Variants in NPAT observed in about 807,000 individuals in gnomAD.
NPAT encodes nuclear protein, coactivator of histone transcription.
Under a neutral mutation model 130.7 loss-of-function variants are expected in NPAT, and 52 were observed. That is an observed-to-expected ratio of 0.40 (90% CI 0.32 to 0.50). The LOEUF (loss-of-function observed/expected upper bound fraction) is 0.50, where lower values mean the gene tolerates loss of function less well. Among genes scored for constraint, NPAT ranks in the 20% least tolerant of loss-of-function variants. NPAT has a pLI of 0.68. For missense variants in NPAT, 1,687 were observed against 1,662.6 expected (o/e 1.01, Z -0.26); for synonymous variants, 580 against 584.8 (o/e 0.99, Z 0.12).
At chr11:108,212,647 CAAA>C (rs1037957436) in intron 1 of NPAT, among the ~76,000 whole-genome samples, 2 of 150,962 alleles carry the variant, frequency 1.3e-5, no homozygotes, top group Non-Finnish European at 3.0e-5. Context: ...ACAACAACAA[CAAA>C]AAAACTATTA....
At chr11:108,209,542 A>T in intron 1 of NPAT, among the ~76,000 whole-genome samples, 1 of 152,196 alleles carries the variant, frequency 6.6e-6, no homozygotes, top group Admixed American at 6.5e-5. Flanking sequence ...ACAGACTGAG[A>T]TCTTGTCTCA....
chr11:108,168,525 T>C (rs919973294), intron 15 of NPAT, among the ~76,000 whole-genome samples: 3 of 152,198 alleles, frequency 2.0e-5, no homozygotes, highest in African/African-American at 2.4e-5. Flanking sequence ...TAGCAGTTAG[T>C]TGAGTTCTCT....
intron 12 of NPAT, among the ~76,000 whole-genome samples, chr11:108,174,564 TAA>T (rs561166671): frequency 5.8e-4 from 60 of 103,944 alleles, no homozygotes; most frequent in African/African-American, 1.6e-3. Flanking sequence ...GAGAAGATCT[TAA>T]AAAAAAAAAA....
chr11:108,172,959 A>G lies in NPAT; in HGVS notation c.2025T>C (p.Ser675=). The G allele has an allele frequency of 6.2e-7, 1 of 1,614,120 alleles. No individual in the cohort carries two copies. The highest frequency in any genetic ancestry group is 8.5e-7 in the Non-Finnish European group (1 of 1,180,018). Residue 675 remains serine, a synonymous_variant, in exon 13 of 18, where the codon TCT becomes TCC. Transcript: ENST00000278612. ...SVKEENTIFL[S]LGGNANCEKV... ...TCTCACAGTTAGCATTTCCACCTAA[A>G]GAGAGAAAAATAGTATTCTCTTCTT...
At chr11:108,200,686 A>T (rs1315968279) in intron 1 of NPAT, among the ~76,000 whole-genome samples, 2 of 152,124 alleles carry the variant, frequency 1.3e-5, no homozygotes, top group Non-Finnish European at 2.9e-5. Context: ...GCTTCCTTAA[A>T]CCCTGCAACA....
At chr11:108,173,944 T>G in intron 12 of NPAT, 93 bp from the exon 13 acceptor site, 1 of 1,091,908 alleles carries the variant, frequency 9.2e-7, no homozygotes, top group Admixed American at 1.9e-5. Flanking sequence ...GCCAAGAAAA[T>G]AACTCATCTT....
At chr11:108,162,720 C>T (rs953103445) in intron 15 of NPAT, among the ~76,000 whole-genome samples, 27 of 152,342 alleles carry the variant, frequency 1.8e-4, no homozygotes, top group Admixed American at 3.9e-4. Flanking sequence ...CGTGAACCAC[C>T]GCGCCCGGTT....
At chr11:108,202,979 G>A (rs1211588745) in intron 1 of NPAT, among the ~76,000 whole-genome samples, 5 of 152,140 alleles carry the variant, frequency 3.3e-5, no homozygotes, top group African/African-American at 1.2e-4. Context: ...GGGTCTCAAA[G>A]GCAGTAGGCA....
intron 1 of NPAT, among the ~76,000 whole-genome samples, chr11:108,203,413 A>C (rs1330426886): frequency 6.6e-6 from 1 of 152,098 alleles, no homozygotes; most frequent in Non-Finnish European, 1.5e-5. Flanking sequence ...ACCTTATACC[A>C]TACTTCTTTC....
intron 1 of NPAT, among the ~76,000 whole-genome samples, chr11:108,219,308 CTCT>C (rs1209929716): frequency 6.6e-6 from 1 of 152,138 alleles, no homozygotes; most frequent in Non-Finnish European, 1.5e-5. Context: ...TCAAACCAGC[CTCT>C]TGATTGCTTC....
chr11:108,203,381 C>T (rs1315714913), intron 1 of NPAT, among the ~76,000 whole-genome samples: 1 of 152,168 alleles, frequency 6.6e-6, no homozygotes, highest in African/African-American at 2.4e-5. Flanking sequence ...CTCTCTCCCT[C>T]TCTAGGTCGG....
intron 1 of NPAT, among the ~76,000 whole-genome samples, chr11:108,205,053 G>C (rs2078312570): frequency 6.6e-6 from 1 of 152,188 alleles, no homozygotes; most frequent in African/African-American, 2.4e-5. Context: ...TACCTAGACA[G>C]ACCATAATCA....
chr11:108,214,970 A>G (rs1244183997), intron 1 of NPAT, among the ~76,000 whole-genome samples: 1 of 152,112 alleles, frequency 6.6e-6, no homozygotes, highest in African/African-American at 2.4e-5. Context: ...ATGAGGTTCT[A>G]CTTGCTTTGT....
At chr11:108,208,191 C>T (rs1446469691) in intron 1 of NPAT, among the ~76,000 whole-genome samples, 1 of 152,140 alleles carries the variant, frequency 6.6e-6, no homozygotes, top group Non-Finnish European at 1.5e-5. Flanking sequence ...GGTATACAAA[C>T]AGTTTTGGTT....
intron 6 of NPAT, 137 bp from the exon 7 acceptor site, chr11:108,188,316 AG>A: frequency 4.2e-6 from 3 of 708,892 alleles, no homozygotes; most frequent in Non-Finnish European, 7.5e-6. Context: ...CCATGTGTAA[AG>A]CATGGTAAAA....
At chr11:108,159,171 A>G in intron 17 of NPAT, 152 bp from the exon 18 acceptor site, 1 of 593,660 alleles carries the variant, frequency 1.7e-6, no homozygotes, top group Non-Finnish European at 3.0e-6. Context: ...ATAGAGAAGT[A>G]GAGACAAGTT....
At chr11:108,202,655 C>G (rs1260917983) in intron 1 of NPAT, among the ~76,000 whole-genome samples, 1 of 152,174 alleles carries the variant, frequency 6.6e-6, no homozygotes, top group South Asian at 2.1e-4. Flanking sequence ...AAAAAGGTCA[C>G]TAATGCTTGT....
At chr11:108,165,456 A>C (rs1290396644) in intron 15 of NPAT, among the ~76,000 whole-genome samples, 2 of 102,964 alleles carry the variant, frequency 1.9e-5, no homozygotes, top group Non-Finnish European at 4.0e-5. Flanking sequence ...ATGTATTTAT[A>C]TATATATATA....
intron 1 of NPAT, among the ~76,000 whole-genome samples, chr11:108,199,959 GATA>G (rs2078258883): frequency 1.3e-5 from 2 of 152,296 alleles, no homozygotes; most frequent in African/African-American, 2.4e-5. Flanking sequence ...AAACCACAGT[GATA>G]ATATTATTGA....
Sources: allele counts gnomAD v4.1 joint callset (sites outside exome capture counted in the v4.1 genomes callset), GRCh38; gene constraint gnomAD v4.1.1; transcripts MANE v1.5; gene names NCBI Gene and HGNC (gene_info 2026-07-23, HGNC 2026-07-21).